Variants in ZNF449 observed in about 807,000 individuals in gnomAD.
The protein encoded by ZNF449 is zinc finger protein 449.
ZNF449 carries 4 observed loss-of-function variants against 32.6 expected under a neutral mutation model. The observed-to-expected ratio is 0.12, with a 90% CI of 0.06 to 0.28. ZNF449 has a LOEUF of 0.28. Among genes scored for constraint, ZNF449 ranks in the 10% least tolerant of loss-of-function variants. The pLI, the probability that ZNF449 is intolerant of heterozygous loss-of-function variation, is 1.00. For synonymous variants in ZNF449, 123 were observed against 132.2 expected, an observed-to-expected ratio of 0.93 and a Z score of 0.48; for missense variants, 275 against 383.2, an observed-to-expected ratio of 0.72 and a Z score of 2.36.
At chrX:135,345,643 T>G (rs1354538154) in intron 1 of ZNF449, among the ~76,000 whole-genome samples, 1 of 112,486 alleles carries the variant, frequency 8.9e-6, no homozygotes, top group Non-Finnish European at 1.9e-5. Context: ...AAAGAGGCAC[T>G]GGGTGTCAGG....
At position 135,349,259 on chromosome X, in the gene ZNF449, G is replaced by A; in HGVS notation, c.504G>A (p.Gly168=). The part of the protein sequence containing the change: ...PVAEAWIPQA[G]PPELNYGATG... The stretch of plus-strand genomic sequence containing the variant: ...CAGAGGCATGGATCCCACAGGCAGG[G>A]CCACCGGAGCTGAACTATGGTGCTA... The change falls in exon 3 of 5, where the codon GGG becomes GGA. Residue 168 remains glycine (G), a synonymous_variant. Transcript: ENST00000339249. 1 of 1,211,766 alleles carries A rather than the reference G, an allele frequency of 8.3e-7. No individual in the cohort carries two copies. The highest frequency in any genetic ancestry group is 1.8e-5 in the South Asian group (1 of 56,989).
chrX:135,345,608 G>T (rs1556447846), intron 1 of ZNF449, among the ~76,000 whole-genome samples: 1 of 112,270 alleles, frequency 8.9e-6, no homozygotes, highest in Admixed American at 9.4e-5. Flanking sequence ...TTATAAAGTA[G>T]ATGCTATGAT....
intron 3 of ZNF449, 23 bp downstream of exon 3, chrX:135,349,337 T>G: frequency 8.4e-7 from 1 of 1,195,417 alleles, no homozygotes; most frequent in Non-Finnish European, 1.1e-6. Context: ...TTTCTCTCCT[T>G]TCTTTTGTTT....
intron 3 of ZNF449, among the ~76,000 whole-genome samples, chrX:135,355,215 ATAG>A (rs1556451555): frequency 9.1e-6 from 1 of 109,523 alleles, no homozygotes. Context: ...TTGTGGGTAC[ATAG>A]TAGGTGTATA....
In ZNF449 at chrX:135,361,976, T is replaced by C. The variant is rs782405726; in HGVS notation, c.*900T>C. ...GGAGAGAAAAAGCACCTCTTTTGGC[T>C]CAATGTTTTCCAAACTTATTTGACC... On this transcript the variant is annotated 3_prime_UTR_variant, in exon 5 of 5. Transcript: ENST00000339249. 9.0e-6 allele frequency: 1 copy of C among 111,585 alleles called. No individual in the cohort carries two copies. The highest frequency in any genetic ancestry group is 1.9e-5 in the Non-Finnish European group (1 of 53,004). The allele number at this position is 111,585 out of a possible 1,213,427, so 9.2% of individuals were successfully genotyped here.
chrX:135,360,428 C>A lies in ZNF449; in HGVS notation c.909C>A (p.Asn303Lys). ...PTLGETPENS[N>K]LEEPLNPKPH... ...TGGGAGAGACACCTGAGAACTCCAACTTGGAAGAACCTCTCAACCCTAAAC... is the reference window on the plus strand; with the variant it reads ...TGGGAGAGACACCTGAGAACTCCAAATTGGAAGAACCTCTCAACCCTAAAC... The change falls in exon 5 of 5, where the codon AAC becomes AAA. Residue 303 changes from asparagine (N) to lysine (K), a missense_variant. This residue lies in a region of ZNF449 where 165 missense variants were observed against 175.0 expected (regional missense o/e 0.94). Coordinates refer to ENST00000339249, the MANE Select transcript of ZNF449 (RefSeq NM_152695.6). The A allele has an allele frequency of 8.3e-7, 1 of 1,211,344 alleles. No homozygotes were observed. Among genetic ancestry groups the A allele is most frequent in the Non-Finnish European group, 1.1e-6 (1 of 895,342 alleles).
chrX:135,354,394 G>A (rs2084905381), intron 3 of ZNF449, among the ~76,000 whole-genome samples: 1 of 112,357 alleles, frequency 8.9e-6, no homozygotes, highest in Admixed American at 9.4e-5. Context: ...GATACCTAAA[G>A]GTGAGACATG....
intron 3 of ZNF449, among the ~76,000 whole-genome samples, chrX:135,358,853 C>T (rs919076401): frequency 9.0e-6 from 1 of 111,710 alleles, no homozygotes; most frequent in Non-Finnish European, 1.9e-5. Context: ...TGTAATTTCA[C>T]TCTTAGCTTT....
Position 135,363,244 on chromosome X carries a change from A to G in ZNF449, c.*2168A>G, listed in dbSNP as rs1488183717. ...GGCAATTGACTCTGTCCTCATCCCAAGTTGGAATCGCTTTTCTCTCTGCAA... is the reference window on the plus strand; with the variant it reads ...GGCAATTGACTCTGTCCTCATCCCAGGTTGGAATCGCTTTTCTCTCTGCAA... On this transcript the variant is annotated 3_prime_UTR_variant, in exon 5 of 5. Transcript: ENST00000339249. The G allele has an allele frequency of 8.9e-6, 1 of 112,249 alleles. No individual in the cohort carries two copies. Among genetic ancestry groups the G allele is most frequent in the Non-Finnish European group, 1.9e-5 (1 of 53,227 alleles). 9.3% of individuals were successfully genotyped at this position (112,249 alleles called of 1,213,427 possible).
At position 135,360,428 on chromosome X, in the gene ZNF449, C is replaced by T. The variant is rs144984309; in HGVS notation, c.909C>T (p.Asn303=). 917 of 1,209,518 alleles carry T rather than the reference C, an allele frequency of 7.6e-4. 3 individuals carry two copies. The African/African-American group carries it at 0.014, about 19-fold the overall frequency. The change falls in exon 5 of 5, where the codon AAC becomes AAT. Residue 303 remains asparagine (N), a synonymous_variant. Coordinates refer to ENST00000339249, the MANE Select transcript of ZNF449 (RefSeq NM_152695.6). ...TGGGAGAGACACCTGAGAACTCCAA[C>T]TTGGAAGAACCTCTCAACCCTAAAC... ...PTLGETPENS[N]LEEPLNPKPH...
At chrX:135,346,485 C>A (rs2084849033) in intron 1 of ZNF449, among the ~76,000 whole-genome samples, 1 of 109,949 alleles carries the variant, frequency 9.1e-6, no homozygotes, top group Non-Finnish European at 1.9e-5. Context: ...ATTCCTTCGC[C>A]ATTTCTTTTG....
intron 2 of ZNF449, 73 bp from the exon 3 acceptor site, chrX:135,349,037 C>G: frequency 1.8e-6 from 2 of 1,117,965 alleles, no homozygotes; most frequent in South Asian, 1.9e-5. Context: ...AAATTACATG[C>G]ATGATTCTCA....
At chrX:135,352,819 C>T (rs1556450670) in intron 3 of ZNF449, among the ~76,000 whole-genome samples, 1 of 111,622 alleles carries the variant, frequency 9.0e-6, no homozygotes, top group Non-Finnish European at 1.9e-5. Context: ...GAAGCTCTTA[C>T]GAGACAGTCT....
chrX:135,358,553 T>C (rs2084929525), intron 3 of ZNF449, among the ~76,000 whole-genome samples: 1 of 112,023 alleles, frequency 8.9e-6, no homozygotes, highest in Non-Finnish European at 1.9e-5. Flanking sequence ...CTATATGTTG[T>C]ATGCCCAGCA....
At chrX:135,358,424 C>G (rs2084928964) in intron 3 of ZNF449, among the ~76,000 whole-genome samples, 1 of 111,667 alleles carries the variant, frequency 9.0e-6, no homozygotes, top group East Asian at 2.8e-4. Context: ...TTTATCATTT[C>G]TGGTTTTCTT....
chrX:135,348,117 A>G, intron 2 of ZNF449: 1 of 129,720 alleles, frequency 7.7e-6, no homozygotes, highest in Admixed American at 8.5e-5. Flanking sequence ...AGACTGATAA[A>G]GCTCAAGTAC....
In ZNF449 at chrX:135,357,510, A is replaced by G. The variant is rs925837924; in HGVS notation, c.560-2382A>G. 1.5e-4 allele frequency among the ~76,000 whole-genome samples: 17 copies of G among 111,535 alleles called. No homozygotes were observed. The Admixed American group carries it at 1.6e-3, about 11-fold the overall frequency. ...CTATTCTGTTATGTTTAGTTGGTTT[A>G]TAGTATTTTCTATGTCTTGTATTAT... On this transcript the variant is annotated intron_variant, in intron 3 of 4. Transcript: ENST00000339249.
At chrX:135,346,871 C>A (rs2084851590) in intron 1 of ZNF449, 148 bp from the exon 2 acceptor site, 1 of 296,508 alleles carries the variant, frequency 3.4e-6, no homozygotes, top group Non-Finnish European at 5.9e-6. Flanking sequence ...ATCAGATTCT[C>A]AAAACCAAGA....
chrX:135,357,723 A>G (rs993883951), intron 3 of ZNF449, among the ~76,000 whole-genome samples: 1 of 111,607 alleles, frequency 9.0e-6, no homozygotes, highest in Non-Finnish European at 1.9e-5. Flanking sequence ...TATTTTTATC[A>G]TTATAAAATG....
Sources: allele counts gnomAD v4.1 joint callset (sites outside exome capture counted in the v4.1 genomes callset), GRCh38; gene constraint gnomAD v4.1.1; regional missense constraint gnomAD v4.1.1; transcripts MANE v1.5; gene names NCBI Gene and HGNC (gene_info 2026-07-23, HGNC 2026-07-21).